Variants in MATCAP2 observed in about 807,000 individuals in gnomAD.
The protein encoded by MATCAP2 is putative tyrosine carboxypeptidase MATCAP2.
chr7:36,356,472 G>A, the MATCAP2 span: 3 of 225,504 alleles, frequency 1.3e-5, no homozygotes, highest in African/African-American at 4.6e-5. Flanking sequence ...CCAAGATCGT[G>A]CCACTACACT....
At chr7:36,327,440 G>T in the MATCAP2 span, among the ~76,000 whole-genome samples, 2 of 152,026 alleles carry the variant, frequency 1.3e-5, no homozygotes, top group African/African-American at 4.8e-5. Context: ...CAGCCTAAAA[G>T]ATTATTTTAA....
the MATCAP2 span, among the ~76,000 whole-genome samples, chr7:36,337,114 A>AAAAAAAAAAAAAAAAAAAC: frequency 6.8e-6 from 1 of 146,182 alleles, no homozygotes; most frequent in Non-Finnish European, 1.5e-5. Flanking sequence ...AAAAAAAAAA[A>AAAAAAAAAAAAAAAAAAAC]AAAAAAAAAA....
At chr7:36,373,699 C>G in the MATCAP2 span, among the ~76,000 whole-genome samples, 340 of 152,250 alleles carry the variant, frequency 2.2e-3, 5 homozygotes, top group East Asian at 0.028. Context: ...TCCCCCACTA[C>G]CTCCCAAAGT....
At chr7:36,340,191 G>A in the MATCAP2 span, among the ~76,000 whole-genome samples, 1 of 152,144 alleles carries the variant, frequency 6.6e-6, no homozygotes, top group Admixed American at 6.5e-5. Context: ...TTTAAAGCAT[G>A]TACTTAATTT....
At chr7:36,357,545 A>C in the MATCAP2 span, 1 of 1,613,846 alleles carries the variant, frequency 6.2e-7, no homozygotes, top group African/African-American at 1.3e-5. Flanking sequence ...TTCTGCATTT[A>C]GAATAGACTT....
chr7:36,355,807 C>A, the MATCAP2 span: 1 of 152,150 alleles, frequency 6.6e-6, no homozygotes, highest in Non-Finnish European at 1.5e-5. Flanking sequence ...AAAACCTGAA[C>A]AAAGTTAATT....
chr7:36,361,737 G>A, the MATCAP2 span, among the ~76,000 whole-genome samples: 51 of 151,822 alleles, frequency 3.4e-4, no homozygotes, highest in Non-Finnish European at 5.7e-4. Flanking sequence ...AAAAACAAAT[G>A]AACAAACAAA....
the MATCAP2 span, among the ~76,000 whole-genome samples, chr7:36,363,605 C>T: frequency 2.6e-5 from 4 of 152,162 alleles, no homozygotes; most frequent in African/African-American, 7.2e-5. Flanking sequence ...AGTGTACAGT[C>T]ACTATAATAG....
chr7:36,389,894 A>G, the MATCAP2 span: 30 of 1,524,342 alleles, frequency 2.0e-5, no homozygotes, highest in Non-Finnish European at 2.4e-5. Flanking sequence ...AGGAGAGGAC[A>G]GCTGGTTGTG....
At chr7:36,367,107 G>T in the MATCAP2 span, 2 of 1,238,222 alleles carry the variant, frequency 1.6e-6, no homozygotes, top group African/African-American at 1.6e-5. Flanking sequence ...GGACGAAGAC[G>T]TACCGACACT....
At chr7:36,384,996 G>A in the MATCAP2 span, among the ~76,000 whole-genome samples, 4 of 152,090 alleles carry the variant, frequency 2.6e-5, no homozygotes, top group Non-Finnish European at 5.9e-5. Context: ...TAATTACAAC[G>A]AAAGACATAG....
the MATCAP2 span, chr7:36,331,189 G>C: frequency 1.7e-6 from 1 of 594,284 alleles, no homozygotes. Context: ...AAATATTCTA[G>C]TTTGCCAACA....
chr7:36,349,171 T>C, the MATCAP2 span, among the ~76,000 whole-genome samples: 1 of 152,186 alleles, frequency 6.6e-6, no homozygotes, highest in South Asian at 2.1e-4. Context: ...CCTGAAGTTT[T>C]TTTTGAAGAG....
the MATCAP2 span, among the ~76,000 whole-genome samples, chr7:36,354,870 T>C: frequency 5.3e-5 from 8 of 152,142 alleles, no homozygotes; most frequent in Non-Finnish European, 1.0e-4. Context: ...AAAATTAAAA[T>C]TGCAAAGCCA....
the MATCAP2 span, among the ~76,000 whole-genome samples, chr7:36,373,955 G>A: frequency 5.3e-5 from 8 of 152,008 alleles, no homozygotes; most frequent in Admixed American, 5.2e-4. Context: ...GTATTTTTTA[G>A]TAAAGACAGG....
At chr7:36,341,571 T>C in the MATCAP2 span, among the ~76,000 whole-genome samples, 3 of 152,182 alleles carry the variant, frequency 2.0e-5, no homozygotes, top group Non-Finnish European at 4.4e-5. Context: ...GTCATTAGGG[T>C]AGACCCTTCA....
the MATCAP2 span, among the ~76,000 whole-genome samples, chr7:36,337,148 C>T: frequency 1.6e-5 from 2 of 126,126 alleles, no homozygotes; most frequent in Non-Finnish European, 3.3e-5. Flanking sequence ...CTGCAACAAT[C>T]TATCTATTTT....
At chr7:36,332,867 C>T in the MATCAP2 span, among the ~76,000 whole-genome samples, 5 of 152,198 alleles carry the variant, frequency 3.3e-5, no homozygotes, top group Middle Eastern at 3.4e-3. Context: ...GCAGAGGTTG[C>T]GGTGAGCTGA....
At chr7:36,348,077 C>T in the MATCAP2 span, among the ~76,000 whole-genome samples, 45 of 152,266 alleles carry the variant, frequency 3.0e-4, no homozygotes, top group African/African-American at 8.7e-4. Context: ...TCTTCCAACA[C>T]GTATGGCTCC....
Sources: gnomAD v4.1 joint callset for allele counts (sites outside exome capture counted in the v4.1 genomes callset) on GRCh38, gnomAD v4.1.1 for gene constraint, MANE v1.5 for transcripts, NCBI Gene and HGNC (gene_info 2026-07-23, HGNC 2026-07-21) for gene names.